Variants in CLYBL observed in about 807,000 individuals in gnomAD.
CLYBL encodes citramalyl-CoA lyase, mitochondrial.
Under a neutral mutation model 38.9 loss-of-function variants are expected in CLYBL, and 31 were observed. That is an observed-to-expected ratio of 0.80 (90% CI 0.60 to 1.08). CLYBL has a LOEUF of 1.08. Ranked by LOEUF, CLYBL falls within the 50% of genes least tolerant of loss-of-function variation. The probability of loss-of-function intolerance (pLI) is 0.00; values close to 1 mark genes in which losing one functional copy is unlikely to be tolerated. For synonymous variants in CLYBL, 171 were observed against 158.6 expected (o/e 1.08, Z -0.59); for missense variants, 434 against 411.6 (o/e 1.05, Z -0.47).
intron 2 of CLYBL, among the ~76,000 whole-genome samples, chr13:99,775,152 C>T (rs2049485017): frequency 6.6e-6 from 1 of 152,156 alleles, no homozygotes; most frequent in African/African-American, 2.4e-5. Flanking sequence ...CCATTAGGTG[C>T]CCTGATAAAC....
Position 99,869,834 on chromosome 13 carries a change from C to T in CLYBL, c.803-1104C>T, listed in dbSNP as rs555697161. Among the ~76,000 whole-genome samples the T allele has an allele frequency of 6.6e-6, 1 of 152,164 alleles. No homozygotes were observed. Among genetic ancestry groups the T allele is most frequent in the African/African-American group, 2.4e-5 (1 of 41,538 alleles). On this transcript the variant is annotated intron_variant, in intron 6 of 8. Coordinates refer to ENST00000339105, the MANE Select transcript of CLYBL (RefSeq NM_206808.5). The surrounding 1 kb of genome is among the most constrained non-coding windows in gnomAD (Gnocchi z 4.3). ...CTGATATACCAACAAATATATTCAG[C>T]AGAGTAAATGATCATTAAGTGTACA...
intron 1 of CLYBL, among the ~76,000 whole-genome samples, chr13:99,688,648 A>G (rs932080676): frequency 6.6e-6 from 1 of 151,870 alleles, no homozygotes; most frequent in Non-Finnish European, 1.5e-5. Flanking sequence ...AAGAATAACA[A>G]GTGAACTGGA....
At chr13:99,650,369 C>T (rs1052033673) in intron 1 of CLYBL, among the ~76,000 whole-genome samples, 1 of 152,068 alleles carries the variant, frequency 6.6e-6, no homozygotes, top group African/African-American at 2.4e-5. Flanking sequence ...CTACGGTGAA[C>T]TATGGTTGTC....
intron 1 of CLYBL, among the ~76,000 whole-genome samples, chr13:99,730,106 G>A (rs1325149744): frequency 6.8e-6 from 1 of 147,126 alleles, no homozygotes; most frequent in African/African-American, 2.4e-5. Context: ...TTGCTGGCTG[G>A]AGGATGGCTG....
intron 1 of CLYBL, among the ~76,000 whole-genome samples, chr13:99,694,094 A>G (rs1200104953): frequency 1.3e-5 from 2 of 152,246 alleles, no homozygotes; most frequent in Admixed American, 6.5e-5. Context: ...GCAAACCTCC[A>G]TCAAGGCACT....
chr13:99,899,410 G>A (rs1038723551), downstream of CLYBL, among the ~76,000 whole-genome samples: 9 of 152,132 alleles, frequency 5.9e-5, no homozygotes, highest in Admixed American at 1.3e-4. Flanking sequence ...ATCTTGCACC[G>A]TAGACTCTGT....
At chr13:99,659,062 C>G (rs948376474) in intron 1 of CLYBL, among the ~76,000 whole-genome samples, 4 of 152,152 alleles carry the variant, frequency 2.6e-5, no homozygotes, top group Non-Finnish European at 4.4e-5. Flanking sequence ...AACTTTATAT[C>G]ACATCTGTTT....
Position 99,617,130 on chromosome 13 carries a change from CTT to C in CLYBL, c.62+10376_62+10377del, listed in dbSNP as rs371108199. Among the ~76,000 whole-genome samples, 40 of 152,220 alleles carry C rather than the reference CTT, an allele frequency of 2.6e-4. 1 individual carries two copies. In the South Asian group the frequency reaches 6.2e-3, roughly 24 times the overall value. On this transcript the variant is annotated intron_variant, in intron 1 of 8. Transcript: ENST00000339105. Reference sequence around the variant, plus strand: ...CCCTGGTGTCTGTATTTGCAGGACACTTTTCAGTATTAATATTCAGAACCCCA... The same window carrying C: ...CCCTGGTGTCTGTATTTGCAGGACACTTCAGTATTAATATTCAGAACCCCA...
At chr13:99,883,759 C>T (rs1310787808) in intron 7 of CLYBL, among the ~76,000 whole-genome samples, 3 of 152,090 alleles carry the variant, frequency 2.0e-5, no homozygotes, top group African/African-American at 7.2e-5. Context: ...CGACTCCATG[C>T]ACACTTCTCT....
intron 1 of CLYBL, among the ~76,000 whole-genome samples, chr13:99,616,614 C>T (rs1453982169): frequency 6.6e-6 from 1 of 152,164 alleles, no homozygotes; most frequent in African/African-American, 2.4e-5. Context: ...TGTTAACATC[C>T]TTCTCTTAGT....
chr13:99,647,525 T>G (rs993771122), intron 1 of CLYBL, among the ~76,000 whole-genome samples: 5 of 151,400 alleles, frequency 3.3e-5, no homozygotes, highest in Admixed American at 1.3e-4. Context: ...GTGAAGGGAA[T>G]GTATGCTGAT....
intron 1 of CLYBL, among the ~76,000 whole-genome samples, chr13:99,749,862 T>A (rs1681649415): frequency 6.6e-6 from 1 of 152,174 alleles, no homozygotes; most frequent in Non-Finnish European, 1.5e-5. Context: ...AAAAAATAGT[T>A]CTTCAAAATA....
chr13:99,736,977 C>CA (rs911453148), intron 1 of CLYBL, among the ~76,000 whole-genome samples: 22 of 150,914 alleles, frequency 1.5e-4, no homozygotes, highest in East Asian at 3.9e-4. Context: ...AAATGAAAGC[C>CA]AAAAAAAACC....
intron 1 of CLYBL, among the ~76,000 whole-genome samples, chr13:99,754,095 A>AG (rs2049007711): frequency 9.2e-6 from 1 of 109,018 alleles, no homozygotes; most frequent in Non-Finnish European, 1.8e-5. Flanking sequence ...CTCAAAAAAA[A>AG]AAAAAAAAAA....
At chr13:99,783,049 T>C (rs2049694111) in intron 2 of CLYBL, among the ~76,000 whole-genome samples, 1 of 152,162 alleles carries the variant, frequency 6.6e-6, no homozygotes, top group Non-Finnish European at 1.5e-5. Context: ...GTTTTTGTTT[T>C]GCTTTTTTTT....
chr13:99,773,101 C>A, intron 2 of CLYBL, 91 bp downstream of exon 2: 2 of 1,051,968 alleles, frequency 1.9e-6, no homozygotes, highest in Non-Finnish European at 2.8e-6. Flanking sequence ...TGGAAAGATT[C>A]TACCACACTC....
intron 2 of CLYBL, among the ~76,000 whole-genome samples, chr13:99,856,322 C>T (rs1249587077): frequency 6.6e-6 from 1 of 152,178 alleles, no homozygotes; most frequent in Non-Finnish European, 1.5e-5. Context: ...TGCCAGGGAT[C>T]CTGCGTTCTT....
At chr13:99,794,426 A>G (rs2049980675) in intron 2 of CLYBL, among the ~76,000 whole-genome samples, 1 of 152,174 alleles carries the variant, frequency 6.6e-6, no homozygotes, top group Non-Finnish European at 1.5e-5. Context: ...ATCTCAAGAA[A>G]AAAGATTCAA....
chr13:99,702,417 G>C (rs923432998), intron 1 of CLYBL, among the ~76,000 whole-genome samples: 18 of 152,038 alleles, frequency 1.2e-4, no homozygotes, highest in Non-Finnish European at 2.4e-4. Flanking sequence ...GATCACGTGA[G>C]GCCAGGAGTT....
Sources: gnomAD v4.1 joint callset for allele counts (sites outside exome capture counted in the v4.1 genomes callset) on GRCh38, gnomAD v4.1.1 for gene constraint, Gnocchi (gnomAD v3.1) non-coding constraint, MANE v1.5 for transcripts, NCBI Gene and HGNC (gene_info 2026-07-23, HGNC 2026-07-21) for gene names.